The following AGAP3 variants were observed in gnomAD, a reference collection of about 807,000 sequenced individuals.
AGAP3 encodes ArfGAP with GTPase domain, ankyrin repeat and PH domain 3.
AGAP3 carries 24 observed loss-of-function variants against 96.9 expected under a neutral mutation model. The ratio of observed to expected loss-of-function variants is 0.25; its 90% CI spans 0.18 to 0.35. The LOEUF (loss-of-function observed/expected upper bound fraction) is 0.35, where lower values mean the gene tolerates loss of function less well. Among genes scored for constraint, AGAP3 ranks in the 10% least tolerant of loss-of-function variants. The pLI, the probability that AGAP3 is intolerant of heterozygous loss-of-function variation, is 1.00. For missense variants in AGAP3, 876 were observed against 1,254.2 expected, an observed-to-expected ratio of 0.70 and a Z score of 4.55; for synonymous variants, 563 against 536.1, an observed-to-expected ratio of 1.05 and a Z score of -0.69.
rs1197006749 is a variant in AGAP3 at position 151,086,728 on chromosome 7, A to C, written c.-14A>C. 3.4e-6 allele frequency: 3 copies of C among 874,694 alleles called. No homozygotes were observed. Among genetic ancestry groups the C allele is most frequent in the African/African-American group, 1.9e-5 (1 of 52,136 alleles). The allele number at this position is 874,694 out of a possible 1,614,324, so 54.2% of individuals were successfully genotyped here. A position where few individuals can be genotyped will look rare whatever the true frequency, so the allele number is the denominator to read the frequency against. ...CCGCCCCGGGCCCGCCTCGGGCCCCACGGCTCCGAAGCCATGAACTTCCAG... is the reference window on the plus strand; with the variant it reads ...CCGCCCCGGGCCCGCCTCGGGCCCCCCGGCTCCGAAGCCATGAACTTCCAG... On this transcript the variant is annotated 5_prime_UTR_variant, in exon 1 of 18. Coordinates refer to ENST00000397238, the MANE Select transcript of AGAP3 (RefSeq NM_031946.7).
At chr7:151,117,203 C>G in intron 3 of AGAP3, 21 bp downstream of exon 3, 1 of 1,608,758 alleles carries the variant, frequency 6.2e-7, no homozygotes, top group Non-Finnish European at 8.5e-7. Context: ...CAGGCCCAGC[C>G]TGGGCCCTGA....
Position 151,118,146 on chromosome 7 carries a change from C to T in AGAP3, c.707-64C>T, listed in dbSNP as rs1218530121. ...GCACACCTGCCCTTGGGCCAAATGC[C>T]CCCCACCACACTACCCCAGCTTCTC... On this transcript the variant is annotated intron_variant, in intron 5 of 17. Transcript: ENST00000397238. This position sits in a 1 kb window ranked among gnomAD's most constrained non-coding sequence, Gnocchi z 6.1. 3 of 1,548,706 alleles carry T rather than the reference C, an allele frequency of 1.9e-6. No individual in the cohort carries two copies. Among genetic ancestry groups the T allele is most frequent in the African/African-American group, 1.4e-5 (1 of 73,162 alleles).
chr7:151,098,475 C>T (rs916590842), intron 1 of AGAP3, among the ~76,000 whole-genome samples: 2 of 151,962 alleles, frequency 1.3e-5, no homozygotes, highest in Non-Finnish European at 2.9e-5. Flanking sequence ...TATAGTGAGA[C>T]GCTGTCTCTA....
At chr7:151,099,628 T>C (rs1413757172) in intron 1 of AGAP3, among the ~76,000 whole-genome samples, 2 of 152,108 alleles carry the variant, frequency 1.3e-5, no homozygotes, top group Middle Eastern at 3.2e-3. Flanking sequence ...CCTGCTCTTA[T>C]GAGATGAAGT....
intron 11 of AGAP3, 94 bp from the exon 12 acceptor site, chr7:151,138,049 A>G: frequency 2.0e-6 from 2 of 1,012,136 alleles, no homozygotes; most frequent in Non-Finnish European, 2.9e-6. Flanking sequence ...TGAATGTCTC[A>G]GGCTCTGCTC....
At chr7:151,110,816 A>G (rs1038953439) in intron 1 of AGAP3, among the ~76,000 whole-genome samples, 4 of 152,074 alleles carry the variant, frequency 2.6e-5, no homozygotes, top group Admixed American at 2.6e-4. Context: ...GTGGTAAGGA[A>G]GGGAATGGAG....
intron 1 of AGAP3, chr7:151,115,491 C>A: frequency 9.8e-7 from 1 of 1,017,562 alleles, no homozygotes; most frequent in Non-Finnish European, 1.2e-6. Context: ...CGACGCCCCG[C>A]GCGCAGCGCC....
rs967276368 is a variant in AGAP3, at chr7:151,141,708, A to C, written c.1805-190A>C. ...TTAGGAATGAGAACTGGGAGCTCAC[A>C]CTAGTCTTGCAGGTTTACTCTGGCC... On this transcript the variant is annotated intron_variant, in intron 13 of 17. Coordinates refer to ENST00000397238, the MANE Select transcript of AGAP3 (RefSeq NM_031946.7). This position sits in a 1 kb window ranked among gnomAD's most constrained non-coding sequence, Gnocchi z 4.2. 2 of 638,724 alleles carry C rather than the reference A, an allele frequency of 3.1e-6. No homozygotes were observed. The highest frequency in any genetic ancestry group is 3.7e-5 in the African/African-American group (2 of 54,684). The allele number at this position is 638,724 out of a possible 1,614,324, so 39.6% of individuals were successfully genotyped here. A position where few individuals can be genotyped will look rare whatever the true frequency, so the allele number is the denominator to read the frequency against.
intron 1 of AGAP3, among the ~76,000 whole-genome samples, chr7:151,087,872 G>C (rs1006628345): frequency 2.0e-5 from 3 of 152,296 alleles, no homozygotes; most frequent in Non-Finnish European, 2.9e-5. Flanking sequence ...GCTGCTGGCA[G>C]ATGCCTCGCA....
intron 1 of AGAP3, among the ~76,000 whole-genome samples, chr7:151,102,836 G>A (rs1313124494): frequency 6.6e-6 from 1 of 151,992 alleles, no homozygotes; most frequent in Non-Finnish European, 1.5e-5. Flanking sequence ...GGCTGGTCTC[G>A]AACTCCTGGG....
intron 8 of AGAP3, 49 bp from the exon 9 acceptor site, chr7:151,123,745 C>G (rs752986685): frequency 1.2e-6 from 2 of 1,603,436 alleles, no homozygotes; most frequent in South Asian, 2.2e-5. Context: ...GTGGGCAGCT[C>G]TCGGCAGACC....
chr7:151,127,242 C>G (rs530034604), intron 9 of AGAP3, among the ~76,000 whole-genome samples: 3 of 152,212 alleles, frequency 2.0e-5, no homozygotes, highest in African/African-American at 7.2e-5. Flanking sequence ...AGACTAGGGA[C>G]TGCCGTTTCC....
chr7:151,134,094 G>T (rs1031861516), intron 10 of AGAP3, among the ~76,000 whole-genome samples: 1 of 152,152 alleles, frequency 6.6e-6, no homozygotes, highest in Admixed American at 6.5e-5. Context: ...CACTTGGCCT[G>T]CTTTGTGCTG....
chr7:151,116,900 AGGCTGGGTGCCGC>A, intron 2 of AGAP3, 49 bp downstream of exon 2: 1 of 1,600,946 alleles, frequency 6.2e-7, no homozygotes, highest in East Asian at 2.2e-5. Context: ...TGGGGGGGCG[AGGCTGGGTGCCGC>A]GGGCCTGGGC....
Position 151,116,796 on chromosome 7 carries a change from C to T in AGAP3, c.335C>T (p.Ser112Leu). 2 of 1,614,080 alleles carry T rather than the reference C, an allele frequency of 1.2e-6. No homozygotes were observed. The highest frequency in any genetic ancestry group is 8.5e-7 in the Non-Finnish European group (1 of 1,180,006). Residue 112 changes from serine to leucine, a missense_variant, in exon 2 of 18, where the codon TCG becomes TTG. Ser to Leu is a moderately radical substitution (Grantham distance 145). Coordinates refer to ENST00000397238, the MANE Select transcript of AGAP3 (RefSeq NM_031946.7). ...IREHVISIEDSFVNSQEWTLS... is the reference protein window; with the variant it reads ...IREHVISIEDLFVNSQEWTLS... ...GGGGCGGCTCTGTCTTCCGCAGACT[C>T]GTTTGTGAACAGCCAGGAGTGGACG...
rs902267004 is a variant in AGAP3 at position 151,143,407 on chromosome 7, C to T, written c.2340C>T (p.Ser780=). The T allele has an allele frequency of 2.5e-6, 4 of 1,614,114 alleles. No individual in the cohort carries two copies. Among genetic ancestry groups the T allele is most frequent in the Admixed American group, 3.3e-5 (2 of 60,010 alleles). Residue 780 remains serine (S), a synonymous_variant, in exon 17 of 18, where the codon AGC becomes AGT. Transcript: ENST00000397238. The surrounding 1 kb of genome is among the most constrained non-coding windows in gnomAD (Gnocchi z 5.9). ...EQKLFLAPLP[S]SDVPLGQQLL... ...AGCTCTTCCTGGCCCCACTGCCAAG[C>T]TCAGATGTGCCACTGGGGCAGCAGC... is the stretch of plus-strand genomic sequence containing the variant.
chr7:151,134,828 G>A lies in AGAP3; in HGVS notation c.1495+260G>A, dbSNP rs117054731. 3.5e-3 allele frequency among the ~76,000 whole-genome samples: 540 copies of A among 152,298 alleles called. 2 individuals are homozygous for A. The highest frequency in any genetic ancestry group is 6.8e-3 in the Middle Eastern group (2 of 294). On this transcript the variant is annotated intron_variant, in intron 11 of 17. Transcript: ENST00000397238. ...GTCATGTTTGGGCAGTGGTGCTGGT[G>A]GTCCTAGGCCCATCTCTGCATCTGG...
chr7:151,138,725 G>A (rs532389207), intron 12 of AGAP3, among the ~76,000 whole-genome samples: 16 of 152,320 alleles, frequency 1.1e-4, no homozygotes, highest in East Asian at 1.9e-4. Flanking sequence ...ACGGGGAAGC[G>A]GCTGAGTAGG....
At chr7:151,104,178 G>A (rs995422595) in intron 1 of AGAP3, among the ~76,000 whole-genome samples, 2 of 152,154 alleles carry the variant, frequency 1.3e-5, no homozygotes, top group African/African-American at 4.8e-5. Context: ...TGGTGATATC[G>A]GGATTGTCAA....
Sources: allele counts gnomAD v4.1 joint callset (sites outside exome capture counted in the v4.1 genomes callset), GRCh38; gene constraint gnomAD v4.1.1; non-coding constraint Gnocchi (gnomAD v3.1); transcripts MANE v1.5; gene names NCBI Gene and HGNC (gene_info 2026-07-23, HGNC 2026-07-21).